DDX17: variants seen among roughly 807,000 people sequenced by gnomAD.
DDX17 encodes probable ATP-dependent RNA helicase DDX17.
In DDX17, 10 loss-of-function variants were observed where a neutral mutation model predicts 80.8. The ratio of observed to expected loss-of-function variants is 0.12; its 90% CI spans 0.08 to 0.21. The LOEUF is 0.21. Ranked by LOEUF, DDX17 falls within the 10% of genes least tolerant of loss-of-function variation. The pLI, the probability that DDX17 is intolerant of heterozygous loss-of-function variation, is 1.00. For missense variants in DDX17, 586 were observed against 957.4 expected, an observed-to-expected ratio of 0.61 and a Z score of 5.12; for synonymous variants, 339 against 336.2, an observed-to-expected ratio of 1.01 and a Z score of -0.09.
chr22:38,504,111 G>A (rs2089856945), intron 1 of DDX17, among the ~76,000 whole-genome samples: 1 of 152,154 alleles, frequency 6.6e-6, no homozygotes, highest in African/African-American at 2.4e-5. Flanking sequence ...CCCTCTATGT[G>A]CCTATTTCAA....
rs1313355812 is a variant in DDX17, at chr22:38,501,275, C to A, written c.293G>T (p.Gly98Val). 1.9e-6 allele frequency: 3 copies of A among 1,606,594 alleles called. No individual in the cohort carries two copies. The highest frequency in any genetic ancestry group is 2.5e-6 in the Non-Finnish European group (3 of 1,177,278). ...GGGAAGGCCACCACCACCTCTTGCTCCAAATCTAGGAACAGAATTTTTAGT... is the reference window on the plus strand; with the variant it reads ...GGGAAGGCCACCACCACCTCTTGCTACAAATCTAGGAACAGAATTTTTAGT... Residue 98 changes from glycine to valine, a missense_variant, in exon 2 of 13, where the codon GGA becomes GTA. Gly to Val is a moderately radical substitution (Grantham distance 109, BLOSUM62 -3). This residue lies in a region of DDX17 where 215 missense variants were observed against 238.4 expected (regional missense o/e 0.90). Transcript: ENST00000403230.
intron 1 of DDX17, among the ~76,000 whole-genome samples, chr22:38,502,089 G>C (rs1032774831): frequency 5.3e-5 from 8 of 152,204 alleles, no homozygotes; most frequent in African/African-American, 1.9e-4. Flanking sequence ...CTGGTAGACT[G>C]GTCTTCATTT....
At chr22:38,488,654 T>C (rs897313271) in intron 11 of DDX17, 6 of 987,594 alleles carry the variant, frequency 6.1e-6, no homozygotes, top group African/African-American at 1.7e-5. Flanking sequence ...GAAACTTAAA[T>C]GTTTTGATTA....
chr22:38,494,154 A>T, intron 8 of DDX17, 23 bp from the exon 9 acceptor site: 1 of 1,495,350 alleles, frequency 6.7e-7, no homozygotes, highest in Non-Finnish European at 9.3e-7. Context: ...CCAACAATGC[A>T]GTCATCACAC....
intron 1 of DDX17, among the ~76,000 whole-genome samples, chr22:38,501,950 G>A (rs1165720020): frequency 2.6e-5 from 4 of 152,242 alleles, no homozygotes; most frequent in African/African-American, 7.2e-5. Flanking sequence ...TTGTGGACAA[G>A]AAGGAAGATA....
intron 10 of DDX17, among the ~76,000 whole-genome samples, chr22:38,493,153 C>T (rs956928263): frequency 2.0e-5 from 3 of 152,150 alleles, no homozygotes; most frequent in Non-Finnish European, 2.9e-5. Context: ...GGCACAACGC[C>T]TATTTTTGCA....
At chr22:38,498,240 G>C (rs2089790122) in intron 4 of DDX17, 90 bp from the exon 5 acceptor site, 8 of 1,497,090 alleles carry the variant, frequency 5.3e-6, no homozygotes, top group Non-Finnish European at 7.3e-6. Context: ...GCATAAATAG[G>C]AAAGTGAAAA....
Position 38,497,961 on chromosome 22 carries a change from GA to G in DDX17, c.738+123del, listed in dbSNP as rs2089787457. ...ATTTAATTCCAAGTAAGATGAGAAT[GA>G]AACCATTTCCACCTATGGAGGGTGT... On this transcript the variant is annotated intron_variant, in intron 5 of 12. Coordinates refer to ENST00000403230, the MANE Select transcript of DDX17 (RefSeq NM_006386.5). 3.6e-6 allele frequency: 3 copies of G among 841,086 alleles called. No individual in the cohort carries two copies. The East Asian group carries it at 7.6e-5, about 21-fold the overall frequency. The allele number at this position is 841,086 out of a possible 1,614,324, so 52.1% of individuals were successfully genotyped here. A position where few individuals can be genotyped will look rare whatever the true frequency, so the allele number is the denominator to read the frequency against.
At position 38,506,025 on chromosome 22, in the gene DDX17, G is replaced by A; in HGVS notation, c.213C>T (p.Leu71=). ...TGGTCCCAAAAGGATAGAGATCTGGGAGCGGGGCACGGATGGCCGGGCTCG... is the reference window on the plus strand; with the variant it reads ...TGGTCCCAAAAGGATAGAGATCTGGAAGCGGGGCACGGATGGCCGGGCTCG... The change falls in exon 1 of 13, where the codon CTC becomes CTT. Residue 71 remains leucine (L), a synonymous_variant. Coordinates refer to ENST00000403230, the MANE Select transcript of DDX17 (RefSeq NM_006386.5). 1.3e-6 allele frequency: 2 copies of A among 1,590,744 alleles called. No individual in the cohort carries two copies. The highest frequency in any genetic ancestry group is 1.7e-6 in the Non-Finnish European group (2 of 1,169,350).
intron 10 of DDX17, among the ~76,000 whole-genome samples, chr22:38,492,439 G>T (rs893635638): frequency 1.3e-5 from 2 of 152,142 alleles, no homozygotes; most frequent in Admixed American, 1.3e-4. Context: ...AAAAGATGTA[G>T]AATGAAAAGA....
At chr22:38,498,392 C>T in intron 4 of DDX17, 48 bp downstream of exon 4, 1 of 1,609,130 alleles carries the variant, frequency 6.2e-7, no homozygotes, top group Non-Finnish European at 8.5e-7. Context: ...ACTAGAATAG[C>T]AAAATAAGTT....
chr22:38,488,133 A>G lies in DDX17; in HGVS notation c.1448-18T>C, dbSNP rs2089678685. 1.9e-6 allele frequency: 3 copies of G among 1,614,162 alleles called. No homozygotes were observed. Among genetic ancestry groups the G allele is most frequent in the Non-Finnish European group, 2.5e-6 (3 of 1,180,004 alleles). On this transcript the variant is annotated intron_variant, in intron 11 of 12. Coordinates refer to ENST00000403230, the MANE Select transcript of DDX17 (RefSeq NM_006386.5). ...TTCCACATCTTCCACGTCAATGATG[A>G]GTCAGTGTGTAGGTTGATGTGGCAG...
Position 38,493,793 on chromosome 22 carries a change from A to G in DDX17, c.1326-22T>C, listed in dbSNP as rs745928541. On this transcript the variant is annotated intron_variant, in intron 9 of 12. Transcript: ENST00000403230. Reference sequence around the variant, plus strand: ...CCAACTATCAGAAGAAAAGTGACCAATATTTTAAAAATCTTTTAAAGTGGA... The same window carrying G: ...CCAACTATCAGAAGAAAAGTGACCAGTATTTTAAAAATCTTTTAAAGTGGA... 24 of 1,606,074 alleles carry G rather than the reference A, an allele frequency of 1.5e-5. No individual in the cohort carries two copies. The Middle Eastern group carries it at 5.0e-4, about 33-fold the overall frequency.
In DDX17 at chr22:38,505,691, C is replaced by A. The variant is rs918609067; in HGVS notation, c.287+260G>T. The A allele has an allele frequency of 8.8e-6, 4 of 452,010 alleles. No individual in the cohort carries two copies. The East Asian group carries it at 1.5e-4, about 17-fold the overall frequency. 28.0% of individuals were successfully genotyped at this position (452,010 alleles called of 1,614,324 possible). Reference sequence around the variant, plus strand: ...CCAGGCCGCCCCTCCCGATCCCCCGCGGGGCTGGGATGGGGCCGGGCCGCG... The same window carrying A: ...CCAGGCCGCCCCTCCCGATCCCCCGAGGGGCTGGGATGGGGCCGGGCCGCG... On this transcript the variant is annotated intron_variant, in intron 1 of 12. Transcript: ENST00000403230.
At chr22:38,490,319 G>A (rs549930902) in intron 11 of DDX17, 10 of 1,286,710 alleles carry the variant, frequency 7.8e-6, no homozygotes, top group African/African-American at 3.0e-5. Flanking sequence ...GGCCTGAATC[G>A]CCAATCACTA....
In DDX17 at chr22:38,487,877, A is replaced by AC; in HGVS notation, c.1684+1dup. ...CTGGAAAACTCCAGGACTTACCCTTACCCCCGCCTCCGCCGCCTCCTCTGT... is the reference window on the plus strand; with the variant it reads ...CTGGAAAACTCCAGGACTTACCCTTACCCCCCGCCTCCGCCGCCTCCTCTGT... On this transcript the variant is annotated splice_donor_variant, in intron 12 of 12. Coordinates refer to ENST00000403230, the MANE Select transcript of DDX17 (RefSeq NM_006386.5). LOFTEE classifies it high-confidence loss of function. 1 of 1,613,912 alleles carries AC rather than the reference A, an allele frequency of 6.2e-7. No individual in the cohort carries two copies. The highest frequency in any genetic ancestry group is 8.5e-7 in the Non-Finnish European group (1 of 1,179,988).
In DDX17 at chr22:38,483,935, A is replaced by G. The variant is rs763121; in HGVS notation, c.*2000T>C. The G allele has an allele frequency of 0.34, 51,091 of 152,096 alleles. 8,642 individuals carry two copies. Among genetic ancestry groups the G allele is most frequent in the Middle Eastern group, 0.41 (121 of 296 alleles). 9.4% of individuals were successfully genotyped at this position (152,096 alleles called of 1,614,324 possible). A position where few individuals can be genotyped will look rare whatever the true frequency, so the allele number is the denominator to read the frequency against. ...TGGAATTTACTGTTATTTTATGATT[A>G]CAATGTCCCAGGTGGAAAAAGGGAA... On this transcript the variant is annotated 3_prime_UTR_variant, in exon 13 of 13. Coordinates refer to ENST00000403230, the MANE Select transcript of DDX17 (RefSeq NM_006386.5).
chr22:38,498,680 T>C (rs553936503), intron 3 of DDX17, 107 bp from the exon 4 acceptor site: 1 of 1,244,174 alleles, frequency 8.0e-7, no homozygotes, highest in East Asian at 2.4e-5. Flanking sequence ...CCCAGCTTCA[T>C]CTCTCCAAAG....
chr22:38,497,954 T>C (rs2089787381), intron 5 of DDX17, 131 bp downstream of exon 5: 1 of 780,326 alleles, frequency 1.3e-6, no homozygotes, highest in Non-Finnish European at 2.0e-6. Flanking sequence ...CCAAGTAAGA[T>C]GAGAATGAAA....
Sources: allele counts gnomAD v4.1 joint callset (sites outside exome capture counted in the v4.1 genomes callset), GRCh38; gene constraint gnomAD v4.1.1; regional missense constraint gnomAD v4.1.1; transcripts MANE v1.5; gene names NCBI Gene and HGNC (gene_info 2026-07-23, HGNC 2026-07-21).